GLI2: variants seen among roughly 807,000 people sequenced by gnomAD.
GLI2 encodes transcription activator GLI2.
GLI2 carries 22 observed loss-of-function variants against 78.9 expected under a neutral mutation model. The ratio of observed to expected loss-of-function variants is 0.28; its 90% confidence interval spans 0.20 to 0.40. GLI2 has a LOEUF of 0.40. GLI2 is among the 10% of genes least tolerant of loss of function. GLI2 has a pLI of 1.00. For synonymous variants in GLI2, 974 were observed against 963.7 expected (o/e 1.01, Z -0.20); for missense variants, 2,097 against 2,213.2 (o/e 0.95, Z 1.05).
Position 120,986,407 on chromosome 2 carries a change from G to A in GLI2, c.2035G>A (p.Ala679Thr). 6.2e-7 allele frequency: 1 copy of A among 1,613,800 alleles called. No homozygotes were observed. ...TGPGSLGDLT[A>T]LDDTPPGADT... ...GCCCGGGAGCCTGGGAGACCTGACG[G>A]CACTGGATGACACACCCCCAGGGGC... The change falls in exon 13 of 14, where the codon GCA becomes ACA. Residue 679 changes from alanine (A) to threonine (T), a missense_variant. By Grantham distance (58) the Ala-to-Thr change is moderately conservative. Transcript: ENST00000361492.
intron 2 of GLI2, among the ~76,000 whole-genome samples, chr2:120,913,461 GT>G (rs970790854): frequency 3.3e-5 from 5 of 151,934 alleles, no homozygotes; most frequent in African/African-American, 9.7e-5. Context: ...TTTCTTTTTA[GT>G]TTTTTTTAAA....
chr2:120,988,378 C>T lies in GLI2; in HGVS notation c.2413C>T (p.Arg805Cys), dbSNP rs1301269573. Reference protein sequence around the residue: ...TVSSAYTVSRRSSGISPYFSS... With the variant: ...TVSSAYTVSRCSSGISPYFSS... Reference sequence around the variant, plus strand: ...CAGCTCGGCCTACACCGTGAGCCGCCGCTCCTCCGGCATCTCCCCCTACTT... The same window carrying T: ...CAGCTCGGCCTACACCGTGAGCCGCTGCTCCTCCGGCATCTCCCCCTACTT... Residue 805 changes from arginine to cysteine, a missense_variant, in exon 14 of 14, where the codon CGC becomes TGC. By Grantham distance (180) the Arg-to-Cys change is radical. This residue lies in a region of GLI2 where 1,290 missense variants were observed against 1,261.7 expected (regional missense o/e 1.02). Transcript: ENST00000361492. The T allele has an allele frequency of 3.8e-6, 6 of 1,570,264 alleles. No individual in the cohort carries two copies. In the South Asian group the frequency reaches 5.8e-5, roughly 15 times the overall value.
At chr2:120,847,260 C>T (rs373477102) in intron 2 of GLI2, among the ~76,000 whole-genome samples, 127 of 152,036 alleles carry the variant, frequency 8.4e-4, no homozygotes, top group African/African-American at 2.8e-3. Context: ...GGGCCCAAAA[C>T]GTTTTAATTT....
chr2:120,974,881 C>T (rs1244902735), intron 8 of GLI2, 94 bp from the exon 9 acceptor site: 3 of 1,594,270 alleles, frequency 1.9e-6, no homozygotes, highest in Non-Finnish European at 2.6e-6. Context: ...AGCCCAGGGT[C>T]CTTGGCACAG....
At chr2:120,938,428 A>T (rs1162121739) in intron 3 of GLI2, among the ~76,000 whole-genome samples, 1 of 152,228 alleles carries the variant, frequency 6.6e-6, no homozygotes, top group Non-Finnish European at 1.5e-5. Context: ...TGAGTGCATG[A>T]ATCAACTGTT....
chr2:120,738,241 CCTTCT>C (rs1399414190), intron 1 of GLI2, among the ~76,000 whole-genome samples: 1 of 152,160 alleles, frequency 6.6e-6, no homozygotes, highest in Non-Finnish European at 1.5e-5. Flanking sequence ...CCATCAGGGG[CCTTCT>C]CTTCTTTTTG....
At chr2:120,752,969 A>G (rs926550151) in intron 1 of GLI2, among the ~76,000 whole-genome samples, 3 of 152,192 alleles carry the variant, frequency 2.0e-5, no homozygotes, top group African/African-American at 7.2e-5. Context: ...CACTATAAAC[A>G]AGGTTGCATT....
intron 1 of GLI2, among the ~76,000 whole-genome samples, chr2:120,793,318 TCTC>T (rs1027580365): frequency 6.6e-6 from 1 of 152,230 alleles, no homozygotes; most frequent in African/African-American, 2.4e-5. Flanking sequence ...AATTGACTCT[TCTC>T]CTTCCCTGTG....
chr2:120,954,812 G>A (rs549166636), intron 4 of GLI2, among the ~76,000 whole-genome samples: 3 of 152,310 alleles, frequency 2.0e-5, no homozygotes, highest in Admixed American at 6.5e-5. Context: ...CCCCGGCAGC[G>A]ATCTCACCCT....
intron 1 of GLI2, among the ~76,000 whole-genome samples, chr2:120,780,906 C>T (rs1402279180): frequency 6.6e-6 from 1 of 152,186 alleles, no homozygotes; most frequent in Non-Finnish European, 1.5e-5. Context: ...CCCCACCCCA[C>T]CTCTGTCCAT....
Position 120,955,321 on chromosome 2 carries a change from C to T in GLI2, c.534C>T (p.His178=). 4 of 1,613,126 alleles carry T rather than the reference C, an allele frequency of 2.5e-6. No individual in the cohort carries two copies. Among genetic ancestry groups the T allele is most frequent in the African/African-American group, 2.7e-5 (2 of 74,992 alleles). ...GCACCACCCCCTCAGACTATTACCA[C>T]CAGATGACCCTCGTGGCAGGCCACC... ...APGTTPSDYY[H]QMTLVAGHPA... is the part of the protein sequence containing the mutation. Residue 178 remains histidine (H), a synonymous_variant, in exon 5 of 14, where the codon CAC becomes CAT. Coordinates refer to ENST00000361492, the MANE Select transcript of GLI2 (RefSeq NM_001374353.1).
chr2:120,966,501 C>G (rs907260489), intron 5 of GLI2, among the ~76,000 whole-genome samples: 5 of 152,332 alleles, frequency 3.3e-5, no homozygotes, highest in Middle Eastern at 3.4e-3. Flanking sequence ...TCCCCTCATC[C>G]CATGAAAGAG....
At chr2:120,875,415 G>A (rs977043083) in intron 2 of GLI2, among the ~76,000 whole-genome samples, 5 of 152,212 alleles carry the variant, frequency 3.3e-5, no homozygotes, top group Non-Finnish European at 7.3e-5. Context: ...CTTGGAGGAG[G>A]GTATATGGGG....
intron 2 of GLI2, among the ~76,000 whole-genome samples, chr2:120,811,035 A>T (rs988797057): frequency 5.9e-5 from 9 of 152,288 alleles, no homozygotes; most frequent in South Asian, 2.1e-4. Flanking sequence ...ACCCTTGTGA[A>T]CCATCCACTG....
At chr2:120,965,990 T>TATC (rs1238399951) in intron 5 of GLI2, among the ~76,000 whole-genome samples, 1 of 152,190 alleles carries the variant, frequency 6.6e-6, no homozygotes, top group Non-Finnish European at 1.5e-5. Context: ...CTTACTAAAA[T>TATC]ATCTGTAAGC....
chr2:120,803,892 G>T (rs192006399), intron 2 of GLI2, among the ~76,000 whole-genome samples: 21 of 152,236 alleles, frequency 1.4e-4, no homozygotes, highest in Admixed American at 1.3e-3. Context: ...AAGAGTCTCA[G>T]GGGGGGAGAC....
chr2:120,975,038 G>T lies in GLI2; in HGVS notation c.1246G>T (p.Val416Phe). Residue 416 changes from valine to phenylalanine, a missense_variant, in exon 9 of 14, where the codon GTC (valine) becomes TTC (phenylalanine). Transcript: ENST00000361492. ...RDDCKQEAEV[V>F]IYETNCHWED... ...TGACTGTAAGCAGGAGGCTGAGGTG[G>T]TCATCTATGAGACCAACTGCCACTG... 2 of 1,614,144 alleles carry T rather than the reference G, an allele frequency of 1.2e-6. No homozygotes were observed. Among genetic ancestry groups the T allele is most frequent in the Non-Finnish European group, 1.7e-6 (2 of 1,180,040 alleles).
intron 4 of GLI2, 28 bp from the exon 5 acceptor site, chr2:120,955,217 G>A (rs527463058): frequency 1.3e-5 from 17 of 1,326,562 alleles, no homozygotes; most frequent in Middle Eastern, 2.0e-4. Flanking sequence ...AGGTTCTGAC[G>A]GCTTCTTTCT....
chr2:120,831,633 G>A (rs1035460822), intron 2 of GLI2, among the ~76,000 whole-genome samples: 4 of 152,222 alleles, frequency 2.6e-5, no homozygotes, highest in African/African-American at 9.6e-5. Context: ...TGTGAAGGGA[G>A]CTTTGGGTGT....
Sources: allele counts gnomAD v4.1 joint callset (sites outside exome capture counted in the v4.1 genomes callset), GRCh38; gene constraint gnomAD v4.1.1; regional missense constraint gnomAD v4.1.1; transcripts MANE v1.5; gene names NCBI Gene and HGNC (gene_info 2026-07-23, HGNC 2026-07-21).